SPOCK3: variants seen among roughly 807,000 people sequenced by gnomAD.
SPOCK3 encodes the protein SPARC (osteonectin), cwcv and kazal like domains proteoglycan 3.
A neutral mutation model predicts 56.6 loss-of-function variants in SPOCK3; 30 were observed. The ratio of observed to expected loss-of-function variants is 0.53; its 90% CI spans 0.40 to 0.72. The LOEUF is 0.72. Among genes scored for constraint, SPOCK3 ranks in the 30% least tolerant of loss-of-function variants. SPOCK3 has a pLI of 0.00. For synonymous variants in SPOCK3, 196 were observed against 183.3 expected (o/e 1.07, Z -0.56); for missense variants, 527 against 530.0 (o/e 0.99, Z 0.06).
At chr4:166,783,943 GA>G (rs1934218422) in intron 7 of SPOCK3, among the ~76,000 whole-genome samples, 1 of 151,988 alleles carries the variant, frequency 6.6e-6, no homozygotes, top group Non-Finnish European at 1.5e-5. Flanking sequence ...TTTTTCTGCA[GA>G]TTTCTTAACC....
chr4:167,206,924 G>A lies in SPOCK3; in HGVS notation c.189+27061C>T, dbSNP rs191993040. Reference sequence around the variant, plus strand: ...ATAGGTTCTAGTGTTCTATAGCACTGTAGGATGACTATAGCTAGAAGGACA... The same window carrying A: ...ATAGGTTCTAGTGTTCTATAGCACTATAGGATGACTATAGCTAGAAGGACA... On this transcript the variant is annotated intron_variant, in intron 2 of 10. Transcript: ENST00000357545. Among the ~76,000 whole-genome samples, 503 of 152,036 alleles carry A rather than the reference G, an allele frequency of 3.3e-3. 3 individuals are homozygous for A. Among genetic ancestry groups the A allele is most frequent in the African/African-American group, 0.012 (488 of 41,492 alleles).
intron 4 of SPOCK3, among the ~76,000 whole-genome samples, chr4:166,982,151 C>T (rs1746651443): frequency 6.6e-6 from 1 of 152,166 alleles, no homozygotes; most frequent in Non-Finnish European, 1.5e-5. Context: ...CCTAACTCCC[C>T]TCTGGCTCCA....
intron 4 of SPOCK3, among the ~76,000 whole-genome samples, chr4:166,981,783 C>T (rs972081135): frequency 6.6e-6 from 1 of 152,168 alleles, no homozygotes; most frequent in African/African-American, 2.4e-5. Context: ...TGGCAGTCTA[C>T]ACCAAGGGGA....
chr4:167,132,871 T>C (rs1180154088), intron 2 of SPOCK3, among the ~76,000 whole-genome samples: 1 of 152,114 alleles, frequency 6.6e-6, no homozygotes, highest in Non-Finnish European at 1.5e-5. Flanking sequence ...ATTTGGATAA[T>C]CAAGGATGGC....
intron 6 of SPOCK3, among the ~76,000 whole-genome samples, chr4:166,871,141 A>G (rs1732423900): frequency 6.6e-6 from 1 of 152,042 alleles, no homozygotes; most frequent in Admixed American, 6.6e-5. Flanking sequence ...ATACAATTCC[A>G]CCTCAAGAGA....
intron 6 of SPOCK3, among the ~76,000 whole-genome samples, chr4:166,809,038 C>CA (rs935612165): frequency 1.3e-5 from 2 of 151,648 alleles, no homozygotes; most frequent in Non-Finnish European, 2.9e-5. Flanking sequence ...ACCAGAGTTA[C>CA]AAAAAAACAT....
intron 7 of SPOCK3, among the ~76,000 whole-genome samples, chr4:166,789,772 T>G (rs548400594): frequency 6.6e-6 from 1 of 152,318 alleles, no homozygotes; most frequent in South Asian, 2.1e-4. Context: ...TTAAAATGAA[T>G]GGTAATATTT....
intron 4 of SPOCK3, among the ~76,000 whole-genome samples, chr4:166,926,559 G>A (rs1279027885): frequency 2.0e-5 from 3 of 151,652 alleles, no homozygotes; most frequent in Non-Finnish European, 4.4e-5. Flanking sequence ...TTTTTGATGA[G>A]TATTTGAACT....
rs1265987130 is a variant in SPOCK3 at position 166,882,717 on chromosome 4, C to G, written c.589+6413G>C. 5 of 152,052 alleles carry G rather than the reference C, an allele frequency of 3.3e-5. No individual in the cohort carries two copies. The East Asian group carries it at 9.6e-4, about 29-fold the overall frequency. 9.4% of individuals were successfully genotyped at this position (152,052 alleles called of 1,614,324 possible). A position where few individuals can be genotyped will look rare whatever the true frequency, so the allele number is the denominator to read the frequency against. On this transcript the variant is annotated intron_variant, in intron 6 of 10. Transcript: ENST00000357545. ...AAAATTTAGTCCAACATCAGTTTCA[C>G]AGATAATGTAAAATATTTGTGTAAA...
At chr4:166,922,104 G>A (rs1391602202) in intron 4 of SPOCK3, among the ~76,000 whole-genome samples, 1 of 152,122 alleles carries the variant, frequency 6.6e-6, no homozygotes, top group African/African-American at 2.4e-5. Flanking sequence ...GGGTCTAGGT[G>A]TTGCCCTCCT....
At chr4:166,978,700 G>A (rs1286773853) in intron 4 of SPOCK3, among the ~76,000 whole-genome samples, 1 of 152,122 alleles carries the variant, frequency 6.6e-6, no homozygotes, top group Non-Finnish European at 1.5e-5. Context: ...AGAGGAGGGG[G>A]AGAAGGAGAA....
intron 4 of SPOCK3, among the ~76,000 whole-genome samples, chr4:166,913,137 C>T (rs963072956): frequency 6.6e-6 from 1 of 152,120 alleles, no homozygotes; most frequent in African/African-American, 2.4e-5. Context: ...AAGATGACAT[C>T]TAATCCACTG....
intron 2 of SPOCK3, among the ~76,000 whole-genome samples, chr4:167,157,618 T>TAA (rs35532827): frequency 2.8e-4 from 42 of 147,784 alleles, no homozygotes; most frequent in Admixed American, 1.7e-3. Flanking sequence ...AGGTTTTTTT[T>TAA]AAAAAAAAAA....
chr4:166,906,091 G>A (rs1274717861), intron 5 of SPOCK3, among the ~76,000 whole-genome samples: 1 of 151,948 alleles, frequency 6.6e-6, no homozygotes, highest in Non-Finnish European at 1.5e-5. Context: ...GAAATGCAAA[G>A]GGTAAACACC....
At chr4:166,886,891 G>T (rs934575772) in intron 6 of SPOCK3, among the ~76,000 whole-genome samples, 1 of 152,122 alleles carries the variant, frequency 6.6e-6, no homozygotes, top group African/African-American at 2.4e-5. Flanking sequence ...GCACTGTGTA[G>T]AAATGACACT....
intron 6 of SPOCK3, chr4:166,883,091 T>TA (rs1433260807): frequency 6.6e-6 from 1 of 152,130 alleles, no homozygotes; most frequent in African/African-American, 2.4e-5. Context: ...TCAGAGGATA[T>TA]AAAAAAATTC....
chr4:166,789,486 C>G (rs1463184391), intron 7 of SPOCK3, among the ~76,000 whole-genome samples: 4 of 151,972 alleles, frequency 2.6e-5, no homozygotes, highest in Admixed American at 6.6e-5. Flanking sequence ...AACATTTGCT[C>G]ACTGTCATAT....
At chr4:166,817,817 G>A (rs1258977539) in intron 6 of SPOCK3, among the ~76,000 whole-genome samples, 1 of 152,002 alleles carries the variant, frequency 6.6e-6, no homozygotes, top group Non-Finnish European at 1.5e-5. Flanking sequence ...AGGAGGAGGA[G>A]TGGATTAAGA....
intron 2 of SPOCK3, among the ~76,000 whole-genome samples, chr4:167,207,286 T>C (rs1734439968): frequency 6.6e-6 from 1 of 152,024 alleles, no homozygotes; most frequent in Non-Finnish European, 1.5e-5. Context: ...AATAAACACC[T>C]GCTTATAGAG....
Sources: gnomAD v4.1 joint callset for allele counts (sites outside exome capture counted in the v4.1 genomes callset) on GRCh38, gnomAD v4.1.1 for gene constraint, MANE v1.5 for transcripts, NCBI Gene and HGNC (gene_info 2026-07-23, HGNC 2026-07-21) for gene names.